GYPC: variants seen among roughly 807,000 people sequenced by gnomAD.
GYPC encodes glycophorin-C.
Under a neutral mutation model 12.6 loss-of-function variants are expected in GYPC, and 14 were observed. The ratio of observed to expected loss-of-function variants is 1.11; its 90% CI spans 0.74 to 1.74. The LOEUF (loss-of-function observed/expected upper bound fraction) is 1.74, where lower values mean the gene tolerates loss of function less well. Ranked by LOEUF, GYPC falls within the 40% of genes most tolerant of loss-of-function variation. The pLI is 0.00. For synonymous variants in GYPC, 78 were observed against 62.1 expected (o/e 1.26, Z -1.20); for missense variants, 225 against 172.1 (o/e 1.31, Z -1.72).
chr2:126,691,392 C>A (rs964731947), intron 2 of GYPC, among the ~76,000 whole-genome samples: 1 of 152,078 alleles, frequency 6.6e-6, no homozygotes, highest in African/African-American at 2.4e-5. Flanking sequence ...GGGTGACTGC[C>A]CCTCGCACAG....
chr2:126,690,162 C>T lies in GYPC; in HGVS notation c.50-93C>T, dbSNP rs1683413858. On this transcript the variant is annotated intron_variant, in intron 1 of 3. Transcript: ENST00000259254. ...ACTTGAACCCATTCTCAGAGCTGCT[C>T]ACACCTGAGCAAAGGATGCAGCTTG... 18 of 912,296 alleles carry T rather than the reference C, an allele frequency of 2.0e-5. 1 individual carries two copies. The highest frequency in any genetic ancestry group is 1.8e-4 in the South Asian group (14 of 76,250). The allele number at this position is 912,296 out of a possible 1,614,324, so 56.5% of individuals were successfully genotyped here. A position where few individuals can be genotyped will look rare whatever the true frequency, so the allele number is the denominator to read the frequency against.
chr2:126,660,689 C>T (rs1390776402), intron 1 of GYPC, among the ~76,000 whole-genome samples: 1 of 152,160 alleles, frequency 6.6e-6, no homozygotes, highest in Admixed American at 6.5e-5. Flanking sequence ...AAGGCCCACG[C>T]TCCCAGGACT....
chr2:126,693,526 A>G (rs889836095), intron 2 of GYPC, among the ~76,000 whole-genome samples: 5 of 152,224 alleles, frequency 3.3e-5, no homozygotes, highest in Non-Finnish European at 7.3e-5. Context: ...AAACACAACA[A>G]GAGTCCCTGC....
intron 1 of GYPC, among the ~76,000 whole-genome samples, chr2:126,677,108 G>C (rs954466882): frequency 6.6e-6 from 1 of 151,480 alleles, no homozygotes; most frequent in African/African-American, 2.4e-5. Flanking sequence ...CCCTGAGGCT[G>C]TGTGTGTGTG....
intron 1 of GYPC, among the ~76,000 whole-genome samples, chr2:126,685,304 T>A (rs985791405): frequency 1.3e-5 from 2 of 152,196 alleles, no homozygotes; most frequent in Non-Finnish European, 2.9e-5. Flanking sequence ...CCTTCCCCCA[T>A]TGCTGTCTGG....
intron 1 of GYPC, among the ~76,000 whole-genome samples, chr2:126,659,837 A>G (rs1682483866): frequency 7.2e-6 from 1 of 138,414 alleles, no homozygotes; most frequent in Non-Finnish European, 1.5e-5. Flanking sequence ...GCTGGAGTGC[A>G]GTGGTGTGAT....
chr2:126,659,976 G>C (rs895027292), intron 1 of GYPC, among the ~76,000 whole-genome samples: 1 of 152,022 alleles, frequency 6.6e-6, no homozygotes, highest in African/African-American at 2.4e-5. Flanking sequence ...TTTTTGTAGA[G>C]ACTTTCGGAT....
In GYPC at chr2:126,676,599, T is replaced by A. The variant is rs79684231; in HGVS notation, c.50-13656T>A. On this transcript the variant is annotated intron_variant, in intron 1 of 3. Coordinates refer to ENST00000259254, the MANE Select transcript of GYPC (RefSeq NM_002101.5). ...GGAGGCAGAGTTATGTATGTGTTTA[T>A]GGCTTCTTTGCCTTTAAAAGATTAA... Among the ~76,000 whole-genome samples the A allele has an allele frequency of 5.8e-3, 878 of 152,364 alleles. 42 individuals are homozygous for A. The highest frequency in any genetic ancestry group is 0.039 in the Admixed American group (590 of 15,306).
At chr2:126,677,412 A>C (rs1189444624) in intron 1 of GYPC, among the ~76,000 whole-genome samples, 1 of 148,476 alleles carries the variant, frequency 6.7e-6, no homozygotes, top group African/African-American at 2.5e-5. Context: ...AGAGTGTGTA[A>C]GTGTGTGAGA....
chr2:126,669,833 C>G (rs1199449858), intron 1 of GYPC, among the ~76,000 whole-genome samples: 1 of 152,118 alleles, frequency 6.6e-6, no homozygotes, highest in African/African-American at 2.4e-5. Context: ...GGCTTTTGTC[C>G]TCTGCCTAAC....
chr2:126,683,384 A>T (rs1173183127), intron 1 of GYPC, among the ~76,000 whole-genome samples: 1 of 152,150 alleles, frequency 6.6e-6, no homozygotes, highest in African/African-American at 2.4e-5. Context: ...CACAGCTGAC[A>T]AAGTCCTCTC....
intron 3 of GYPC, 31 bp downstream of exon 3, chr2:126,693,978 G>T (rs781376991): frequency 7.0e-7 from 1 of 1,433,688 alleles, no homozygotes; most frequent in Admixed American, 1.7e-5. Flanking sequence ...CCTTCAAGCA[G>T]CCAGGGTGGG....
intron 3 of GYPC, among the ~76,000 whole-genome samples, chr2:126,695,507 C>T (rs548687685): frequency 2.3e-3 from 346 of 152,236 alleles, no homozygotes; most frequent in Non-Finnish European, 3.9e-3. Context: ...CCAGTGTACA[C>T]GGTTCAACTT....
intron 1 of GYPC, chr2:126,686,499 T>C (rs1683294675): frequency 2.0e-6 from 2 of 985,416 alleles, no homozygotes. Flanking sequence ...AAGATGAGCA[T>C]AGTGAAGGCT....
intron 1 of GYPC, among the ~76,000 whole-genome samples, chr2:126,666,497 C>A (rs1183427085): frequency 2.6e-5 from 4 of 152,174 alleles, no homozygotes; most frequent in African/African-American, 9.7e-5. Context: ...CAGGAAAGTT[C>A]AGTGACTTGG....
At chr2:126,685,467 C>A (rs536887645) in intron 1 of GYPC, among the ~76,000 whole-genome samples, 1 of 152,032 alleles carries the variant, frequency 6.6e-6, no homozygotes, top group Non-Finnish European at 1.5e-5. Flanking sequence ...TCACTACAAC[C>A]TCCACCTCCC....
chr2:126,690,730 T>A (rs563851790), intron 2 of GYPC, among the ~76,000 whole-genome samples: 5 of 152,188 alleles, frequency 3.3e-5, no homozygotes, highest in Admixed American at 6.5e-5. Context: ...TTTTCTTCCC[T>A]GGGTCCATGA....
chr2:126,669,115 A>G (rs1455972174), intron 1 of GYPC, among the ~76,000 whole-genome samples: 1 of 152,234 alleles, frequency 6.6e-6, no homozygotes, highest in Non-Finnish European at 1.5e-5. Context: ...TTGTTGAATT[A>G]AAATCCTGTG....
At chr2:126,684,947 C>T (rs982271442) in intron 1 of GYPC, among the ~76,000 whole-genome samples, 1 of 152,198 alleles carries the variant, frequency 6.6e-6, no homozygotes, top group Non-Finnish European at 1.5e-5. Context: ...TCTCCTCTCC[C>T]CTGTAACTCT....
Sources: allele counts gnomAD v4.1 joint callset (sites outside exome capture counted in the v4.1 genomes callset), GRCh38; gene constraint gnomAD v4.1.1; transcripts MANE v1.5; gene names NCBI Gene and HGNC (gene_info 2026-07-23, HGNC 2026-07-21).